Variants in NCAM1 observed in about 807,000 individuals in gnomAD.
NCAM1 encodes the protein antigen recognized by monoclonal antibody 5.1H11.
Under a neutral mutation model 109.8 loss-of-function variants are expected in NCAM1, and 14 were observed. That is an observed-to-expected ratio of 0.13 (90% CI 0.08 to 0.20). The LOEUF (loss-of-function observed/expected upper bound fraction) is 0.20, where lower values mean the gene tolerates loss of function less well. Among genes scored for constraint, NCAM1 ranks in the 10% least tolerant of loss-of-function variants. The pLI is 1.00. For missense variants in NCAM1, 774 were observed against 1,109.9 expected (o/e 0.70, Z 4.30); for synonymous variants, 418 against 442.9 (o/e 0.94, Z 0.70).
chr11:113,137,088 C>CT (rs1941628808), intron 1 of NCAM1, among the ~76,000 whole-genome samples: 1 of 152,178 alleles, frequency 6.6e-6, no homozygotes, highest in Non-Finnish European at 1.5e-5. Flanking sequence ...TACAGAGTAG[C>CT]TTAAAGTAGT....
chr11:113,166,067 G>A (rs371522202), intron 1 of NCAM1, among the ~76,000 whole-genome samples: 10 of 151,956 alleles, frequency 6.6e-5, no homozygotes, highest in Middle Eastern at 3.4e-3. Flanking sequence ...TCCTGACCTC[G>A]TGATCTGCCT....
At chr11:113,025,891 G>T (rs1421102029) in intron 1 of NCAM1, among the ~76,000 whole-genome samples, 2 of 150,916 alleles carry the variant, frequency 1.3e-5, no homozygotes, top group Non-Finnish European at 2.9e-5. Context: ...CTGCTTTATG[G>T]AAACTTTTTT....
Position 113,004,903 on chromosome 11 carries a change from G to A in NCAM1, c.52+43239G>A, listed in dbSNP as rs555502906. Among the ~76,000 whole-genome samples the A allele has an allele frequency of 2.6e-5, 4 of 151,064 alleles. No individual in the cohort carries two copies. In the South Asian group the frequency reaches 6.3e-4, roughly 24 times the overall value. ...CTTCAGATTTGGGGCCTTCTGGATTGAGCTTCTGATTTTCTTATTTATTGT... is the reference window on the plus strand; with the variant it reads ...CTTCAGATTTGGGGCCTTCTGGATTAAGCTTCTGATTTTCTTATTTATTGT... On this transcript the variant is annotated intron_variant, in intron 1 of 19. Transcript: ENST00000316851.
chr11:113,220,131 T>G (rs1555115000), intron 8 of NCAM1, among the ~76,000 whole-genome samples: 1 of 152,240 alleles, frequency 6.6e-6, no homozygotes, highest in Non-Finnish European at 1.5e-5. Context: ...TATCATGTCT[T>G]TGAATCCTAG....
chr11:113,235,353 C>T (rs782723911), intron 14 of NCAM1, 189 bp downstream of exon 14: 1 of 1,253,892 alleles, frequency 8.0e-7, no homozygotes, highest in Non-Finnish European at 1.2e-6. Flanking sequence ...TCCCTTCATT[C>T]TCTCTTTCTC....
At chr11:113,214,666 G>T (rs2241449) in intron 8 of NCAM1, among the ~76,000 whole-genome samples, 155 bp downstream of exon 8, 3,794 of 152,292 alleles carry the variant, frequency 0.025, 97 homozygotes, top group East Asian at 0.075. Flanking sequence ...AACCCTGCAG[G>T]ACATGGCCTG....
chr11:113,156,274 G>A (rs1223293521), intron 1 of NCAM1, among the ~76,000 whole-genome samples: 1 of 152,170 alleles, frequency 6.6e-6, no homozygotes, highest in Non-Finnish European at 1.5e-5. Context: ...AGGATCAAGG[G>A]AGATATTGGG....
At chr11:113,138,792 C>T (rs1444667432) in intron 1 of NCAM1, among the ~76,000 whole-genome samples, 1 of 152,216 alleles carries the variant, frequency 6.6e-6, no homozygotes, top group African/African-American at 2.4e-5. Flanking sequence ...TTGGAAATCT[C>T]TGTGGAATTT....
At chr11:113,188,921 G>C (rs1248862695) in intron 1 of NCAM1, among the ~76,000 whole-genome samples, 5 of 152,080 alleles carry the variant, frequency 3.3e-5, no homozygotes, top group African/African-American at 1.2e-4. Flanking sequence ...TTGGTGCTGG[G>C]ATGCCAGGCA....
chr11:113,014,869 G>A (rs886733215), intron 1 of NCAM1, among the ~76,000 whole-genome samples: 8 of 152,268 alleles, frequency 5.3e-5, no homozygotes, highest in African/African-American at 1.9e-4. Context: ...GGAGCTTGAG[G>A]CTTTATTCTG....
At chr11:113,047,358 A>G (rs2135374106) in intron 1 of NCAM1, among the ~76,000 whole-genome samples, 1 of 152,364 alleles carries the variant, frequency 6.6e-6, no homozygotes, top group Admixed American at 6.5e-5. Flanking sequence ...TATTTTAAAA[A>G]TAACTTGATT....
intron 1 of NCAM1, among the ~76,000 whole-genome samples, chr11:113,169,756 T>A: frequency 1.3e-5 from 2 of 151,234 alleles, no homozygotes; most frequent in Admixed American, 1.3e-4. Flanking sequence ...GCCTACAGAG[T>A]AGCTGGGATG....
chr11:113,085,642 C>T (rs1939047658), intron 1 of NCAM1, among the ~76,000 whole-genome samples: 1 of 152,208 alleles, frequency 6.6e-6, no homozygotes, highest in African/African-American at 2.4e-5. Context: ...CCAGGGGACT[C>T]TGCAGCTGTC....
intron 1 of NCAM1, among the ~76,000 whole-genome samples, chr11:112,994,856 T>C (rs782809365): frequency 2.0e-5 from 3 of 152,164 alleles, no homozygotes; most frequent in Non-Finnish European, 2.9e-5. Context: ...TGTTTGTCAA[T>C]GGTTCTTCTT....
rs377104336 is a variant in NCAM1, at chr11:113,273,091, C to T, written c.2456+1215C>T. ...ACCTCCAGTATTGCCCCGCCGGCCA[C>T]GGCCACGCCTGACTCAAACTCTGTA... On this transcript the variant is annotated intron_variant, in intron 19 of 19. Transcript: ENST00000316851. The surrounding 1 kb of genome is among the most constrained non-coding windows in gnomAD (Gnocchi z 6.0). 6,658 of 456,570 alleles carry T rather than the reference C, an allele frequency of 0.015. 157 individuals are homozygous for T. The highest frequency in any genetic ancestry group is 0.055 in the South Asian group (3,519 of 64,546). 28.3% of individuals were successfully genotyped at this position (456,570 alleles called of 1,614,324 possible).
chr11:113,185,068 T>TTATATTTATATATATA (rs1555108652), intron 1 of NCAM1, among the ~76,000 whole-genome samples: 1 of 99,660 alleles, frequency 1.0e-5, no homozygotes, highest in Admixed American at 1.1e-4. Flanking sequence ...GCATTTATAT[T>TTATATTTATATATATA]TATATATATA....
intron 1 of NCAM1, among the ~76,000 whole-genome samples, chr11:112,981,867 G>T (rs2134685765): frequency 6.6e-6 from 1 of 151,950 alleles, no homozygotes; most frequent in African/African-American, 2.4e-5. Context: ...AAGTTCAAAG[G>T]TTTTTTGCAT....
At chr11:113,131,646 G>A (rs1324711904) in intron 1 of NCAM1, among the ~76,000 whole-genome samples, 1 of 152,166 alleles carries the variant, frequency 6.6e-6, no homozygotes, top group Non-Finnish European at 1.5e-5. Flanking sequence ...CCACAGCTGG[G>A]TGAGGCAGGC....
intron 1 of NCAM1, among the ~76,000 whole-genome samples, chr11:113,077,093 A>G (rs1479515705): frequency 3.3e-5 from 5 of 152,224 alleles, no homozygotes; most frequent in Non-Finnish European, 7.3e-5. Flanking sequence ...GCCAGGTACT[A>G]GGGATGCTAG....
Sources: gnomAD v4.1 joint callset for allele counts (sites outside exome capture counted in the v4.1 genomes callset) on GRCh38, gnomAD v4.1.1 for gene constraint, Gnocchi (gnomAD v3.1) non-coding constraint, MANE v1.5 for transcripts, NCBI Gene and HGNC (gene_info 2026-07-23, HGNC 2026-07-21) for gene names.